RBFOX1: variants seen among roughly 807,000 people sequenced by gnomAD.
RBFOX1 encodes RNA binding fox-1 homolog 1, also known as RNA binding protein fox-1 homolog 1.
RBFOX1 carries 8 observed loss-of-function variants against 57.7 expected under a neutral mutation model. The observed-to-expected ratio is 0.14, with a 90% CI of 0.08 to 0.25. RBFOX1 has a LOEUF of 0.25. RBFOX1 is among the 10% of genes least tolerant of loss of function. The probability of loss-of-function intolerance (pLI) is 1.00; values close to 1 mark genes in which losing one functional copy is unlikely to be tolerated. For missense variants in RBFOX1, 611 were observed against 548.5 expected (o/e 1.11, Z -1.14); for synonymous variants, 326 against 222.4 (o/e 1.47, Z -4.15).
At chr16:6,853,801 G>C (rs2057296193) in intron 3 of RBFOX1, among the ~76,000 whole-genome samples, 1 of 152,040 alleles carries the variant, frequency 6.6e-6, no homozygotes. Flanking sequence ...AACCACCGAG[G>C]GGTAATTTCC....
chr16:6,451,557 T>G (rs1027063215), intron 2 of RBFOX1, among the ~76,000 whole-genome samples: 2 of 152,168 alleles, frequency 1.3e-5, no homozygotes, highest in Non-Finnish European at 2.9e-5. Flanking sequence ...ATCTGATGTG[T>G]GTTTTGTAGG....
At chr16:6,271,750 T>C (rs371247005) in intron 1 of RBFOX1, among the ~76,000 whole-genome samples, 1 of 152,218 alleles carries the variant, frequency 6.6e-6, no homozygotes. Flanking sequence ...TTTTACTCAC[T>C]GTGAAATGGA....
chr16:5,363,807 C>G (rs557500732), intron 1 of RBFOX1, among the ~76,000 whole-genome samples: 1 of 152,358 alleles, frequency 6.6e-6, no homozygotes, highest in South Asian at 2.1e-4. Flanking sequence ...CTCTCTTGAG[C>G]TCCCTGGGGT....
chr16:7,002,183 C>A (rs906654713), intron 3 of RBFOX1, among the ~76,000 whole-genome samples: 1 of 152,058 alleles, frequency 6.6e-6, no homozygotes, highest in African/African-American at 2.4e-5. Flanking sequence ...TACTGACATG[C>A]AATCTAAGAA....
intron 4 of RBFOX1, among the ~76,000 whole-genome samples, chr16:7,440,143 G>A (rs1296004196): frequency 3.3e-5 from 5 of 151,938 alleles, no homozygotes. Flanking sequence ...AGACCTGCCT[G>A]CCTCAGCCTC....
At chr16:6,947,024 C>G (rs901612246) in intron 3 of RBFOX1, among the ~76,000 whole-genome samples, 1 of 152,158 alleles carries the variant, frequency 6.6e-6, no homozygotes, top group Admixed American at 6.5e-5. Flanking sequence ...GTCCCTTCAC[C>G]TCTCTCCTGG....
intron 4 of RBFOX1, among the ~76,000 whole-genome samples, chr16:7,166,301 A>C (rs2079498309): frequency 6.6e-6 from 1 of 152,102 alleles, no homozygotes; most frequent in Non-Finnish European, 1.5e-5. Context: ...GGCGTGAACC[A>C]CCGCACCCGG....
chr16:5,732,958 T>C (rs1416806743), intron 3 of RBFOX1, among the ~76,000 whole-genome samples: 3 of 152,148 alleles, frequency 2.0e-5, no homozygotes, highest in Non-Finnish European at 4.4e-5. Context: ...TTGAGCTTTT[T>C]GGGGTGATGG....
intron 11 of RBFOX1, among the ~76,000 whole-genome samples, chr16:7,650,926 G>A (rs2064914148): frequency 6.6e-6 from 1 of 152,070 alleles, no homozygotes; most frequent in African/African-American, 2.4e-5. Context: ...TATGATATTA[G>A]GATTTACTCG....
rs774116778 is a variant in RBFOX1 at position 5,896,994 on chromosome 16, C to A, written c.351+29659C>A. Among the ~76,000 whole-genome samples the A allele has an allele frequency of 1.1e-4, 16 of 148,486 alleles. No homozygotes were observed. In the Middle Eastern group the frequency reaches 0.011, roughly 101 times the overall value. On this transcript the variant is annotated intron_variant, in intron 4 of 19. Transcript: ENST00000641259. ...TTAAAATCATAAGGCTCTCCACCCC[C>A]CACTAAAAATGTATCCATCCGCTTT...
intron 1 of RBFOX1, among the ~76,000 whole-genome samples, chr16:5,275,341 A>C (rs546557640): frequency 1.3e-5 from 2 of 152,342 alleles, no homozygotes; most frequent in South Asian, 4.1e-4. Flanking sequence ...ATATACAATA[A>C]ATTCATTTAT....
At chr16:5,735,608 G>A (rs557227729) in intron 3 of RBFOX1, among the ~76,000 whole-genome samples, 3 of 152,244 alleles carry the variant, frequency 2.0e-5, no homozygotes, top group African/African-American at 7.2e-5. Flanking sequence ...TAATAAGTAC[G>A]TGCATGGGCC....
chr16:7,637,578 G>C (rs1033692435), intron 11 of RBFOX1, among the ~76,000 whole-genome samples: 5 of 152,090 alleles, frequency 3.3e-5, no homozygotes, highest in African/African-American at 4.8e-5. Flanking sequence ...TTAATTTACG[G>C]CTTCCTTTTT....
intron 3 of RBFOX1, among the ~76,000 whole-genome samples, chr16:6,990,793 G>T (rs1218731159): frequency 6.6e-6 from 1 of 152,108 alleles, no homozygotes; most frequent in Non-Finnish European, 1.5e-5. Flanking sequence ...CAAACTGCTT[G>T]TTAAGGTCCA....
intron 2 of RBFOX1, among the ~76,000 whole-genome samples, chr16:6,399,105 T>G (rs61176600): frequency 0.36 from 54,290 of 152,122 alleles, 9,895 homozygotes; most frequent in East Asian, 0.55. Flanking sequence ...TTGCACCCTC[T>G]GAAGCAATGG....
At chr16:5,255,444 C>T (rs2062568843) in intron 1 of RBFOX1, among the ~76,000 whole-genome samples, 1 of 151,564 alleles carries the variant, frequency 6.6e-6, no homozygotes, top group African/African-American at 2.4e-5. Flanking sequence ...ATCTATCCAT[C>T]CAATCCACTC....
chr16:6,584,255 G>A (rs1405206076), intron 2 of RBFOX1, among the ~76,000 whole-genome samples: 1 of 151,462 alleles, frequency 6.6e-6, no homozygotes, highest in Non-Finnish European at 1.5e-5. Context: ...CTCTGAGTGT[G>A]ATCAAACCAC....
At chr16:7,435,070 C>G (rs781191372) in intron 4 of RBFOX1, among the ~76,000 whole-genome samples, 3 of 152,076 alleles carry the variant, frequency 2.0e-5, no homozygotes, top group Non-Finnish European at 2.9e-5. Context: ...AACTAATGAA[C>G]CAATATTGAT....
At chr16:6,642,126 C>G (rs980506944) in intron 2 of RBFOX1, among the ~76,000 whole-genome samples, 1 of 152,130 alleles carries the variant, frequency 6.6e-6, no homozygotes, top group Non-Finnish European at 1.5e-5. Flanking sequence ...AAAAGAGACG[C>G]CAAGCCAGGT....
Sources: gnomAD v4.1 joint callset for allele counts (sites outside exome capture counted in the v4.1 genomes callset) on GRCh38, gnomAD v4.1.1 for gene constraint, MANE v1.5 for transcripts, NCBI Gene and HGNC (gene_info 2026-07-23, HGNC 2026-07-21) for gene names.